Variants in PTPRA observed in about 807,000 individuals in gnomAD.
PTPRA encodes receptor-type tyrosine-protein phosphatase alpha.
Under a neutral mutation model 104.8 loss-of-function variants are expected in PTPRA, and 25 were observed. That is an observed-to-expected ratio of 0.24 (90% confidence interval 0.17 to 0.33). The LOEUF is 0.33. Ranked by LOEUF, PTPRA falls within the 10% of genes least tolerant of loss-of-function variation. The pLI, the probability that PTPRA is intolerant of heterozygous loss-of-function variation, is 1.00. For missense variants in PTPRA, 765 were observed against 1,015.3 expected (o/e 0.75, Z 3.35); for synonymous variants, 323 against 368.9 (o/e 0.88, Z 1.43).
upstream of PTPRA, chr20:2,873,368 G>GC (rs2089478816): frequency 6.6e-6 from 1 of 152,264 alleles, no homozygotes; most frequent in Non-Finnish European, 1.5e-5. The surrounding 1 kb of genome is among the most constrained non-coding windows in gnomAD (Gnocchi z 4.4). Context: ...GCAAGTGAGC[G>GC]CCCAGCGGAG....
intron 1 of PTPRA, among the ~76,000 whole-genome samples, chr20:2,913,083 A>T (rs2059782135): frequency 6.6e-6 from 1 of 152,138 alleles, no homozygotes. Flanking sequence ...TGAGCATTAA[A>T]TCTGGAGTTT....
At chr20:2,890,133 A>T in intron 1 of PTPRA, among the ~76,000 whole-genome samples, 1 of 151,044 alleles carries the variant, frequency 6.6e-6, no homozygotes, top group Non-Finnish European at 1.5e-5. Context: ...CTGGCCTCAA[A>T]CAGTCCTCCC....
intron 20 of PTPRA, among the ~76,000 whole-genome samples, chr20:3,030,191 T>C (rs1600283960): frequency 6.6e-6 from 1 of 152,310 alleles, no homozygotes; most frequent in East Asian, 1.9e-4. Flanking sequence ...TGCAGGCTCT[T>C]CCATCCTTGA....
chr20:3,024,835 C>G (rs1248505266), intron 17 of PTPRA, among the ~76,000 whole-genome samples: 1 of 152,272 alleles, frequency 6.6e-6, no homozygotes, highest in Non-Finnish European at 1.5e-5. Flanking sequence ...AAGCAGGCAA[C>G]AGTATTTTAA....
At chr20:2,975,564 C>G (rs550899653) in intron 6 of PTPRA, among the ~76,000 whole-genome samples, 2 of 152,178 alleles carry the variant, frequency 1.3e-5, no homozygotes, top group Non-Finnish European at 2.9e-5. Context: ...CCATTAGTTA[C>G]TTCTGATTTC....
Position 2,956,414 on chromosome 20 carries a change from A to C in PTPRA, c.-6-7858A>C, listed in dbSNP as rs183826878. Among the ~76,000 whole-genome samples the C allele has an allele frequency of 5.0e-3, 751 of 151,010 alleles. 6 individuals carry two copies. Among genetic ancestry groups the C allele is most frequent in the African/African-American group, 0.017 (698 of 41,084 alleles). Reference sequence around the variant, plus strand: ...GCCCCACCCTTTCCTCACCCACCCTAGTCTTTCATGTCTGCCATTTTTACA... The same window carrying C: ...GCCCCACCCTTTCCTCACCCACCCTCGTCTTTCATGTCTGCCATTTTTACA... On this transcript the variant is annotated intron_variant, in intron 3 of 23. Coordinates refer to ENST00000399903, the MANE Select transcript of PTPRA (RefSeq NM_001385305.1).
At chr20:2,930,479 C>T (rs2060466115) in intron 2 of PTPRA, among the ~76,000 whole-genome samples, 1 of 152,124 alleles carries the variant, frequency 6.6e-6, no homozygotes, top group South Asian at 2.1e-4. Flanking sequence ...AAACAAAGTA[C>T]CATAAACTCG....
chr20:2,900,581 CGTG>C (rs2059192500), intron 1 of PTPRA, among the ~76,000 whole-genome samples: 1 of 152,022 alleles, frequency 6.6e-6, no homozygotes, highest in Admixed American at 6.6e-5. Context: ...CTCAGGTGGG[CGTG>C]GTGGCTCATG....
At chr20:2,893,197 C>T (rs1485024985) in intron 1 of PTPRA, among the ~76,000 whole-genome samples, 3 of 152,186 alleles carry the variant, frequency 2.0e-5, no homozygotes, top group Non-Finnish European at 2.9e-5. Context: ...TCTCCAGCTG[C>T]TAATGCAGTG....
At chr20:2,968,002 T>C (rs2062008406) in intron 5 of PTPRA, among the ~76,000 whole-genome samples, 1 of 152,202 alleles carries the variant, frequency 6.6e-6, no homozygotes, top group African/African-American at 2.4e-5. Context: ...CTTATTCCAG[T>C]CTAGGCTTGT....
intron 3 of PTPRA, among the ~76,000 whole-genome samples, chr20:2,954,429 G>A (rs1211444954): frequency 6.6e-6 from 1 of 151,752 alleles, no homozygotes; most frequent in Non-Finnish European, 1.5e-5. Flanking sequence ...CACTGTGTTG[G>A]CCAGGCTGGT....
chr20:2,916,566 A>G (rs1286802401), intron 1 of PTPRA, among the ~76,000 whole-genome samples: 2 of 152,178 alleles, frequency 1.3e-5, no homozygotes, highest in Non-Finnish European at 2.9e-5. Flanking sequence ...CCAGTATTTC[A>G]TCACCAGCCA....
chr20:3,021,537 T>G (rs951087950), intron 14 of PTPRA, 109 bp downstream of exon 14: 1 of 1,426,364 alleles, frequency 7.0e-7, no homozygotes, highest in Non-Finnish European at 9.5e-7. Flanking sequence ...GTATGCAGTA[T>G]GTGAATTCTG....
intron 2 of PTPRA, among the ~76,000 whole-genome samples, chr20:2,928,720 TGG>T (rs1323501450): frequency 6.6e-6 from 1 of 152,104 alleles, no homozygotes; most frequent in African/African-American, 2.4e-5. Flanking sequence ...TTGAGCTTCC[TGG>T]GTTGTTCATA....
At chr20:2,870,849 GT>G (rs1430723601), upstream of PTPRA, among the ~76,000 whole-genome samples, 2 of 152,216 alleles carry the variant, frequency 1.3e-5, no homozygotes, top group Admixed American at 1.3e-4. Context: ...AGGACTAGGA[GT>G]AGGAGGGCTC....
chr20:3,019,697 C>T (rs1365466599), intron 13 of PTPRA, among the ~76,000 whole-genome samples: 5 of 152,200 alleles, frequency 3.3e-5, no homozygotes, highest in East Asian at 1.9e-4. Flanking sequence ...GCTGCAATCT[C>T]GGCGCTTTGG....
rs570608982 is a variant in PTPRA at position 2,989,858 on chromosome 20, A to G, written c.738+1384A>G. 3.3e-5 allele frequency among the ~76,000 whole-genome samples: 5 copies of G among 152,198 alleles called. No individual in the cohort carries two copies. The South Asian group carries it at 1.0e-3, about 32-fold the overall frequency. On this transcript the variant is annotated intron_variant, in intron 9 of 23. Coordinates refer to ENST00000399903, the MANE Select transcript of PTPRA (RefSeq NM_001385305.1). The stretch of plus-strand genomic sequence containing the variant: ...CAGTGAAACCCTGTCTCTACTAAAA[A>G]TACAAAAAATTAGCTGGGCATGGTG...
rs75755621 is a variant in PTPRA, at chr20:2,876,914, T to C, written c.-129+3154T>C. Among the ~76,000 whole-genome samples the C allele has an allele frequency of 5.2e-4, 79 of 152,336 alleles. 1 individual carries two copies. In the East Asian group the frequency reaches 0.012, roughly 22 times the overall value. On this transcript the variant is annotated intron_variant, in intron 1 of 23. Transcript: ENST00000399903. ...ACAAATCCTCCCCCACCCTATGCGA[T>C]TCTAGCCAGTTTCTTTGAATTTACA...
At position 3,022,624 on chromosome 20, in the gene PTPRA, C is replaced by A. The variant is rs2148436865; in HGVS notation, c.1329-65C>A. On this transcript the variant is annotated intron_variant, in intron 15 of 23. Transcript: ENST00000399903. The surrounding 1 kb of genome is among the most constrained non-coding windows in gnomAD (Gnocchi z 4.6). ...AAGGAAGAGCCCCTGCCTGTGTTGC[C>A]CCTCCCTATCTGCTCCCACAAGGCA... is the stretch of plus-strand genomic sequence containing the variant. 1 of 1,603,194 alleles carries A rather than the reference C, an allele frequency of 6.2e-7. No individual in the cohort carries two copies. The highest frequency in any genetic ancestry group is 1.7e-4 in the Middle Eastern group (1 of 6,002).
Sources: gnomAD v4.1 joint callset for allele counts (sites outside exome capture counted in the v4.1 genomes callset) on GRCh38, gnomAD v4.1.1 for gene constraint, Gnocchi (gnomAD v3.1) non-coding constraint, MANE v1.5 for transcripts, NCBI Gene and HGNC (gene_info 2026-07-23, HGNC 2026-07-21) for gene names.